The following DPP10 variants were observed in gnomAD, a reference collection of about 807,000 sequenced individuals.
The protein encoded by DPP10 is dipeptidyl peptidase like 10, also known as inactive dipeptidyl peptidase 10.
A neutral mutation model predicts 120.9 loss-of-function variants in DPP10; 33 were observed. The observed-to-expected ratio is 0.27, with a 90% CI of 0.21 to 0.37. DPP10 has a LOEUF of 0.37. Ranked by LOEUF, DPP10 falls within the 10% of genes least tolerant of loss-of-function variation. The pLI, the probability that DPP10 is intolerant of heterozygous loss-of-function variation, is 1.00. For missense variants in DPP10, 816 were observed against 942.8 expected, an observed-to-expected ratio of 0.87 and a Z score of 1.76; for synonymous variants, 337 against 326.1, an observed-to-expected ratio of 1.03 and a Z score of -0.36.
chr2:115,652,150 A>G (rs924628799), intron 5 of DPP10, among the ~76,000 whole-genome samples: 1 of 152,102 alleles, frequency 6.6e-6, no homozygotes, highest in African/African-American at 2.4e-5. Context: ...TACATGATAT[A>G]TGCCAGACAT....
rs969585566 is a variant in DPP10 at position 115,129,719 on chromosome 2, C to G, written c.61-179520C>G. ...TTTTGCTGAGTCATCCTACTGTTCT[C>G]TGTGTCCTTACTTCTCATAGTGTTG... On this transcript the variant is annotated intron_variant, in intron 1 of 25. Transcript: ENST00000410059. 2.0e-5 allele frequency among the ~76,000 whole-genome samples: 3 copies of G among 152,302 alleles called. No individual in the cohort carries two copies. The South Asian group carries it at 6.2e-4, about 32-fold the overall frequency.
At chr2:115,369,473 C>T (rs1051502690) in intron 3 of DPP10, among the ~76,000 whole-genome samples, 6 of 151,932 alleles carry the variant, frequency 3.9e-5, no homozygotes, top group Non-Finnish European at 7.4e-5. Flanking sequence ...TTATTAAATG[C>T]CTGTCCTGTG....
chr2:115,706,909 G>T (rs1397387113), intron 7 of DPP10, among the ~76,000 whole-genome samples: 3 of 151,944 alleles, frequency 2.0e-5, no homozygotes, highest in African/African-American at 4.8e-5. Flanking sequence ...AATAACTTCA[G>T]ACATCTTTCA....
intron 1 of DPP10, among the ~76,000 whole-genome samples, chr2:114,675,715 G>C (rs1165137406): frequency 6.6e-6 from 1 of 152,120 alleles, no homozygotes; most frequent in East Asian, 1.9e-4. Flanking sequence ...ACTTCTGAAA[G>C]AGAGTCCCAG....
intron 11 of DPP10, among the ~76,000 whole-genome samples, chr2:115,754,642 A>G (rs1022254453): frequency 1.3e-5 from 2 of 152,158 alleles, no homozygotes; most frequent in African/African-American, 2.4e-5. Context: ...GGAAATTACA[A>G]TTGATAAAGA....
At position 115,350,638 on chromosome 2, in the gene DPP10, G is replaced by A. The variant is rs567842944; in HGVS notation, c.271+6726G>A. On this transcript the variant is annotated intron_variant, in intron 3 of 25. Coordinates refer to ENST00000410059, the MANE Select transcript of DPP10 (RefSeq NM_020868.6). Reference sequence around the variant, plus strand: ...AGGAGCGTGAGGTTACTGAACCTGGGAGAATGAGAATGTTCTTAGCACAGC... The same window carrying A: ...AGGAGCGTGAGGTTACTGAACCTGGAAGAATGAGAATGTTCTTAGCACAGC... 2.8e-3 allele frequency among the ~76,000 whole-genome samples: 433 copies of A among 152,202 alleles called. 2 individuals are homozygous for A. The highest frequency in any genetic ancestry group is 4.7e-3 in the Non-Finnish European group (321 of 68,000).
intron 1 of DPP10, chr2:115,161,960 A>T: frequency 7.0e-7 from 1 of 1,433,328 alleles, no homozygotes. Context: ...GCCGGCGATG[A>T]CGGCCGCGAA....
chr2:114,983,589 T>C (rs4410304), intron 1 of DPP10, among the ~76,000 whole-genome samples: 150,241 of 152,262 alleles, frequency 0.99, 74,152 homozygotes, highest in Non-Finnish European at 1. Context: ...TTAGCCTTTA[T>C]ACATGGTTAA....
intron 3 of DPP10, among the ~76,000 whole-genome samples, chr2:115,367,900 T>C (rs2065172738): frequency 6.6e-6 from 1 of 152,062 alleles, no homozygotes; most frequent in Non-Finnish European, 1.5e-5. Context: ...AGGTTTTAGA[T>C]TGGAATCTAA....
At chr2:115,038,258 TTTTATTTATTTA>T (rs80087104) in intron 1 of DPP10, among the ~76,000 whole-genome samples, 1 of 149,996 alleles carries the variant, frequency 6.7e-6, no homozygotes, top group African/African-American at 2.4e-5. Context: ...TTATTTATTA[TTTTATTTATTTA>T]TTTATTTATT....
chr2:114,796,169 A>G (rs1683693707), intron 1 of DPP10, among the ~76,000 whole-genome samples: 1 of 152,164 alleles, frequency 6.6e-6, no homozygotes, highest in Non-Finnish European at 1.5e-5. Flanking sequence ...ATTTAGTGCA[A>G]TACAGTAAAG....
intron 3 of DPP10, among the ~76,000 whole-genome samples, chr2:115,486,658 G>A (rs1049691446): frequency 6.6e-6 from 1 of 152,130 alleles, no homozygotes; most frequent in Non-Finnish European, 1.5e-5. Flanking sequence ...ACTGAAGAAA[G>A]TTAATCAGTT....
chr2:115,232,435 C>G (rs1485194597), intron 1 of DPP10, among the ~76,000 whole-genome samples: 1 of 152,136 alleles, frequency 6.6e-6, no homozygotes, highest in East Asian at 1.9e-4. Flanking sequence ...GGTCACCTTT[C>G]TGTTTAATTA....
At chr2:115,814,350 A>G (rs1686991752) in intron 19 of DPP10, among the ~76,000 whole-genome samples, 1 of 152,056 alleles carries the variant, frequency 6.6e-6, no homozygotes, top group African/African-American at 2.4e-5. Context: ...CTGTTAAATT[A>G]TTATCAACTT....
intron 1 of DPP10, among the ~76,000 whole-genome samples, chr2:114,771,625 A>C (rs1454481178): frequency 6.6e-6 from 1 of 152,220 alleles, no homozygotes; most frequent in African/African-American, 2.4e-5. Context: ...GGTGAATAGA[A>C]GGAAGGAGGC....
intron 1 of DPP10, among the ~76,000 whole-genome samples, chr2:114,876,090 A>G (rs1295754744): frequency 8.5e-5 from 13 of 152,154 alleles, no homozygotes; most frequent in Admixed American, 7.9e-4. Context: ...CACTTTATAA[A>G]GAAAAATATG....
chr2:115,013,255 G>A (rs141693441), intron 1 of DPP10, among the ~76,000 whole-genome samples: 1 of 152,124 alleles, frequency 6.6e-6, no homozygotes, highest in Non-Finnish European at 1.5e-5. Context: ...TGCTTATGAA[G>A]CTTAGTTTGG....
At chr2:114,771,467 A>C (rs1203331946) in intron 1 of DPP10, among the ~76,000 whole-genome samples, 3 of 152,216 alleles carry the variant, frequency 2.0e-5, no homozygotes, top group Non-Finnish European at 2.9e-5. Flanking sequence ...TACCTGAGGG[A>C]GTCCATCCTT....
chr2:114,628,191 A>G (rs1423443423), intron 1 of DPP10, among the ~76,000 whole-genome samples: 1 of 152,168 alleles, frequency 6.6e-6, no homozygotes, highest in East Asian at 1.9e-4. Context: ...AGATTGAATA[A>G]TTAACTGTGA....
Sources: gnomAD v4.1 joint callset for allele counts (sites outside exome capture counted in the v4.1 genomes callset) on GRCh38, gnomAD v4.1.1 for gene constraint, MANE v1.5 for transcripts, NCBI Gene and HGNC (gene_info 2026-07-23, HGNC 2026-07-21) for gene names.